Variants in AADACL4 observed in about 807,000 individuals in gnomAD.
AADACL4 encodes the protein arylacetamide deacetylase like 4.
AADACL4 carries 9 observed loss-of-function variants against 14.1 expected under a neutral mutation model. That is an observed-to-expected ratio of 0.64 (90% CI 0.39 to 1.12). The LOEUF is 1.12. AADACL4 is among the 50% of genes most tolerant of loss of function. The pLI is 0.01. For missense variants in AADACL4, 531 were observed against 516.1 expected, an observed-to-expected ratio of 1.03 and a Z score of -0.28; for synonymous variants, 188 against 201.6, an observed-to-expected ratio of 0.93 and a Z score of 0.57.
rs1647096363 is a variant in AADACL4, at chr1:12,644,398, G to A, written c.-149G>A. On this transcript the variant is annotated 5_prime_UTR_variant, in exon 1 of 4. Coordinates refer to ENST00000376221, the MANE Select transcript of AADACL4 (RefSeq NM_001013630.2). ...ATTGGCCTTTTTGTGCTTACCCTGA[G>A]AAGCTGTGTCAGGCCACTGTGTCAG... The A allele has an allele frequency of 2.3e-6, 2 of 854,016 alleles. No homozygotes were observed. Among genetic ancestry groups the A allele is most frequent in the Admixed American group, 5.6e-5 (2 of 35,404 alleles). The allele number at this position is 854,016 out of a possible 1,614,324, so 52.9% of individuals were successfully genotyped here.
chr1:12,648,335 C>G (rs533755650), intron 1 of AADACL4, among the ~76,000 whole-genome samples: 218 of 143,132 alleles, frequency 1.5e-3, no homozygotes, highest in African/African-American at 6.0e-3. Flanking sequence ...ATTTAAAATT[C>G]TGGACCTCAG....
At chr1:12,647,991 A>C (rs866909913) in intron 1 of AADACL4, among the ~76,000 whole-genome samples, 76 of 151,772 alleles carry the variant, frequency 5.0e-4, no homozygotes, top group African/African-American at 1.8e-3. Context: ...TTTGAGATGG[A>C]GTCTTGCTCT....
chr1:12,659,229 C>T (rs1416221425), intron 2 of AADACL4, among the ~76,000 whole-genome samples: 2 of 152,198 alleles, frequency 1.3e-5, no homozygotes, highest in Admixed American at 6.5e-5. Flanking sequence ...AACCCAGTTC[C>T]TGGCCTCATG....
intron 3 of AADACL4, among the ~76,000 whole-genome samples, chr1:12,665,663 G>A (rs1480086260): frequency 6.6e-6 from 1 of 152,204 alleles, no homozygotes; most frequent in Non-Finnish European, 1.5e-5. Context: ...AGCCATTGCT[G>A]GTTGTTTTGC....
In AADACL4 at chr1:12,644,634, A is replaced by G; in HGVS notation, c.88A>G (p.Thr30Ala). The change falls in exon 1 of 4, where the codon ACC becomes GCC. Residue 30 changes from threonine to alanine, a missense_variant. By Grantham distance (58) the Thr-to-Ala change is moderately conservative (BLOSUM62 0). Transcript: ENST00000376221. ...FVWAVFEHFLTTDIPATLQHP... is the reference protein window; with the variant it reads ...FVWAVFEHFLATDIPATLQHP... ...CTGGGCTGTCTTTGAGCACTTCCTCACCACGGATATCCCTGCTACCTTGCA... is the reference window on the plus strand; with the variant it reads ...CTGGGCTGTCTTTGAGCACTTCCTCGCCACGGATATCCCTGCTACCTTGCA... 1 of 1,614,080 alleles carries G rather than the reference A, an allele frequency of 6.2e-7. No individual in the cohort carries two copies. The highest frequency in any genetic ancestry group is 1.7e-5 in the Admixed American group (1 of 60,006).
chr1:12,646,119 C>T (rs535831756), intron 1 of AADACL4, among the ~76,000 whole-genome samples: 1 of 152,230 alleles, frequency 6.6e-6, no homozygotes, highest in African/African-American at 2.4e-5. Flanking sequence ...AGGTGGAGAC[C>T]TTATAGAAGC....
intron 2 of AADACL4, among the ~76,000 whole-genome samples, chr1:12,652,404 T>G (rs551459056): frequency 2.2e-4 from 33 of 152,364 alleles, no homozygotes; most frequent in African/African-American, 7.2e-4. Flanking sequence ...GTTCTTTCAG[T>G]TGTATCTCAA....
chr1:12,648,406 C>CT (rs934139566), intron 1 of AADACL4, among the ~76,000 whole-genome samples: 17 of 128,280 alleles, frequency 1.3e-4, no homozygotes, highest in African/African-American at 6.1e-4. Context: ...TCCTTCTTTC[C>CT]TTTTTTTTGA....
At chr1:12,658,804 G>A (rs2257017) in intron 2 of AADACL4, among the ~76,000 whole-genome samples, 127,725 of 151,726 alleles carry the variant, frequency 0.84, 55,777 homozygotes, top group East Asian at 0.96. Context: ...TCCACCCCCG[G>A]CTTCATCCTT....
chr1:12,646,227 G>T (rs752770065), intron 1 of AADACL4, among the ~76,000 whole-genome samples: 13 of 152,220 alleles, frequency 8.5e-5, no homozygotes, highest in Non-Finnish European at 1.3e-4. Flanking sequence ...AGAGACAGCA[G>T]CCGGACTGCC....
chr1:12,645,478 C>T (rs1478904596), intron 1 of AADACL4, among the ~76,000 whole-genome samples: 2 of 152,100 alleles, frequency 1.3e-5, no homozygotes, highest in Admixed American at 6.6e-5. Context: ...CTGACAGCCC[C>T]TGCCCCTCCT....
intron 2 of AADACL4, among the ~76,000 whole-genome samples, chr1:12,653,424 C>G (rs1043100264): frequency 6.6e-6 from 1 of 152,128 alleles, no homozygotes; most frequent in African/African-American, 2.4e-5. Flanking sequence ...GGTAGGTATC[C>G]CTGGATGGAG....
intron 1 of AADACL4, among the ~76,000 whole-genome samples, chr1:12,649,535 A>G (rs17458785): frequency 0.79 from 120,760 of 152,194 alleles, 48,598 homozygotes; most frequent in African/African-American, 0.92. Flanking sequence ...AGATCAACTC[A>G]TTCTCCTCCA....
intron 1 of AADACL4, among the ~76,000 whole-genome samples, chr1:12,648,344 A>AGATC: frequency 7.9e-6 from 1 of 125,902 alleles, no homozygotes; most frequent in African/African-American, 3.8e-5. Flanking sequence ...TCTGGACCTC[A>AGATC]GATCCTTCCT....
intron 1 of AADACL4, among the ~76,000 whole-genome samples, chr1:12,646,255 T>C (rs756159372): frequency 1.3e-5 from 2 of 152,172 alleles, no homozygotes; most frequent in Admixed American, 6.5e-5. Context: ...GTGTCCCAGC[T>C]CTGTCACTCA....
intron 1 of AADACL4, among the ~76,000 whole-genome samples, chr1:12,648,370 T>TTCCTTCCA (rs2100757563): frequency 6.7e-6 from 1 of 150,124 alleles, no homozygotes; most frequent in African/African-American, 2.5e-5. Context: ...CCTTCCTTCC[T>TTCCTTCCA]TCCTTCCTTC....
In AADACL4 at chr1:12,644,483, G is replaced by C. The variant is rs2100754259; in HGVS notation, c.-64G>C. 5.1e-6 allele frequency: 8 copies of C among 1,575,622 alleles called. No individual in the cohort carries two copies. The East Asian group carries it at 9.0e-5, about 18-fold the overall frequency. On this transcript the variant is annotated 5_prime_UTR_variant, in exon 1 of 4. Coordinates refer to ENST00000376221, the MANE Select transcript of AADACL4 (RefSeq NM_001013630.2). ...GAGGCGGAGGGTGTAACCCAGCCAGGTCCTCTTCACATAAGCTATCAGACA... is the reference window on the plus strand; with the variant it reads ...GAGGCGGAGGGTGTAACCCAGCCAGCTCCTCTTCACATAAGCTATCAGACA...
rs147123445 is a variant in AADACL4, at chr1:12,666,318, C to T, written c.807C>T (p.Asn269=). The change falls in exon 4 of 4, where the codon AAC becomes AAT. Residue 269 remains asparagine (N), a synonymous_variant. Coordinates refer to ENST00000376221, the MANE Select transcript of AADACL4 (RefSeq NM_001013630.2). ...TCTCCTGGCGTGACGCCATCTTGAA[C>T]GGCACTTGTGTACCCCCAGACGTCT... is the stretch of plus-strand genomic sequence containing the variant. The part of the protein sequence containing the change: ...IDLSWRDAIL[N]GTCVPPDVWR... 129 of 1,614,224 alleles carry T rather than the reference C, an allele frequency of 8.0e-5. 2 individuals carry two copies. The Middle Eastern group carries it at 1.5e-3, about 19-fold the overall frequency.
In AADACL4 at chr1:12,666,869, T is replaced by C; in HGVS notation, c.*134T>C. 12 of 915,966 alleles carry C rather than the reference T, an allele frequency of 1.3e-5. No homozygotes were observed. The highest frequency in any genetic ancestry group is 1.8e-5 in the Non-Finnish European group (11 of 616,884). 56.7% of individuals were successfully genotyped at this position (915,966 alleles called of 1,614,324 possible). A position where few individuals can be genotyped will look rare whatever the true frequency, so the allele number is the denominator to read the frequency against. On this transcript the variant is annotated 3_prime_UTR_variant, in exon 4 of 4. Transcript: ENST00000376221. ...TGGGGCAGCTGGGAAGGGTGAGAAG[T>C]AAGCTAACAGTCTTGCTTAGTATTC...
Sources: gnomAD v4.1 joint callset for allele counts (sites outside exome capture counted in the v4.1 genomes callset) on GRCh38, gnomAD v4.1.1 for gene constraint, MANE v1.5 for transcripts, NCBI Gene and HGNC (gene_info 2026-07-23, HGNC 2026-07-21) for gene names.